COMMD10: variants seen among roughly 807,000 people sequenced by gnomAD.
The protein encoded by COMMD10 is COMM domain-containing protein 10.
In COMMD10, 33 loss-of-function variants were observed where a neutral mutation model predicts 28.9. The observed-to-expected ratio is 1.14, with a 90% CI of 0.87 to 1.53. The LOEUF (loss-of-function observed/expected upper bound fraction) is 1.53, where lower values mean the gene tolerates loss of function less well. Among genes scored for constraint, COMMD10 ranks in the 40% most tolerant of loss-of-function variants. The pLI is 0.00. For missense variants in COMMD10, 310 were observed against 233.4 expected, an observed-to-expected ratio of 1.33 and a Z score of -2.14; for synonymous variants, 110 against 81.7, an observed-to-expected ratio of 1.35 and a Z score of -1.87.
chr5:116,221,576 C>T (rs770360375), intron 5 of COMMD10, among the ~76,000 whole-genome samples: 47 of 152,072 alleles, frequency 3.1e-4, no homozygotes, highest in Admixed American at 2.1e-3. Flanking sequence ...TTCAAGATCT[C>T]TTAGAAATGC....
intron 5 of COMMD10, among the ~76,000 whole-genome samples, chr5:116,256,144 C>G (rs1039352572): frequency 6.6e-6 from 1 of 151,600 alleles, no homozygotes; most frequent in African/African-American, 2.4e-5. Flanking sequence ...TATTAAAATG[C>G]TGTACCTGGC....
At chr5:116,100,526 T>G (rs1750625980) in intron 4 of COMMD10, among the ~76,000 whole-genome samples, 2 of 151,804 alleles carry the variant, frequency 1.3e-5, no homozygotes, top group Admixed American at 1.3e-4. Context: ...TCCTTTTTTT[T>G]TTTTTTGCAT....
At chr5:116,136,961 T>C (rs962428205) in intron 5 of COMMD10, among the ~76,000 whole-genome samples, 12 of 152,136 alleles carry the variant, frequency 7.9e-5, no homozygotes, top group African/African-American at 2.9e-4. Flanking sequence ...CTGTGTCTTA[T>C]ATCTCCTAAA....
At chr5:116,238,374 A>C (rs1749733933) in intron 5 of COMMD10, among the ~76,000 whole-genome samples, 1 of 152,180 alleles carries the variant, frequency 6.6e-6, no homozygotes, top group Admixed American at 6.5e-5. Flanking sequence ...AAATTGGGCA[A>C]TTCTCAAATC....
intron 5 of COMMD10, among the ~76,000 whole-genome samples, chr5:116,182,555 T>C (rs572774673): frequency 6.6e-6 from 1 of 152,170 alleles, no homozygotes; most frequent in Non-Finnish European, 1.5e-5. Context: ...TTCTCAGATA[T>C]TAATAAAATT....
At chr5:116,141,466 T>C (rs1419653119) in intron 5 of COMMD10, among the ~76,000 whole-genome samples, 2 of 152,038 alleles carry the variant, frequency 1.3e-5, no homozygotes, top group East Asian at 3.9e-4. Flanking sequence ...GGAATTTTGA[T>C]GGAATTGCAT....
At chr5:116,105,776 T>C (rs1317034277) in intron 4 of COMMD10, among the ~76,000 whole-genome samples, 1 of 152,212 alleles carries the variant, frequency 6.6e-6, no homozygotes, top group Non-Finnish European at 1.5e-5. Flanking sequence ...CTGATGGTAG[T>C]TTGTATTTCT....
chr5:116,110,582 A>G (rs1751011085), intron 4 of COMMD10, among the ~76,000 whole-genome samples: 1 of 152,166 alleles, frequency 6.6e-6, no homozygotes, highest in East Asian at 1.9e-4. Flanking sequence ...TCTTTGTTCA[A>G]TCTTGGGAGG....
At chr5:116,267,286 C>T (rs560193342) in intron 5 of COMMD10, among the ~76,000 whole-genome samples, 1 of 151,988 alleles carries the variant, frequency 6.6e-6, no homozygotes, top group African/African-American at 2.4e-5. Flanking sequence ...AAATCACAAG[C>T]ATTCCTATAC....
chr5:116,155,959 G>T (rs541236453), intron 5 of COMMD10, among the ~76,000 whole-genome samples: 36 of 152,112 alleles, frequency 2.4e-4, no homozygotes, highest in African/African-American at 8.7e-4. Flanking sequence ...TTTTTGAGAA[G>T]TGTTAAGTTT....
chr5:116,095,897 CAT>C (rs1406615215), intron 4 of COMMD10, among the ~76,000 whole-genome samples: 3 of 151,940 alleles, frequency 2.0e-5, no homozygotes, highest in Non-Finnish European at 2.9e-5. Flanking sequence ...ATTGAATTAC[CAT>C]GTGTTTGTCT....
At chr5:116,235,311 T>C (rs1749632025) in intron 5 of COMMD10, among the ~76,000 whole-genome samples, 1 of 152,210 alleles carries the variant, frequency 6.6e-6, no homozygotes, top group African/African-American at 2.4e-5. Flanking sequence ...TGTAATTCCC[T>C]TTGGCTGCAA....
At chr5:116,267,548 C>T (rs2112692587) in intron 5 of COMMD10, among the ~76,000 whole-genome samples, 1 of 151,926 alleles carries the variant, frequency 6.6e-6, no homozygotes, top group South Asian at 2.1e-4. Context: ...GATTCAATGC[C>T]ATCCCCATCA....
chr5:116,289,415 AC>A (rs1485228455), intron 5 of COMMD10, among the ~76,000 whole-genome samples: 1 of 151,606 alleles, frequency 6.6e-6, no homozygotes, highest in African/African-American at 2.4e-5. Flanking sequence ...CTTCACTAAT[AC>A]CCCAGCTGGG....
chr5:116,087,592 G>A lies in COMMD10; in HGVS notation c.132+5G>A. On this transcript the variant is annotated splice_donor_5th_base_variant and intron_variant, in intron 2 of 6. Transcript: ENST00000274458. ...CTTCAAAAACTTCACCTGAAGGTTT[G>A]TATTTGTGTGTTTCCATGCCTTGTA... The A allele has an allele frequency of 6.4e-7, 1 of 1,570,122 alleles. No individual in the cohort carries two copies. The highest frequency in any genetic ancestry group is 8.8e-7 in the Non-Finnish European group (1 of 1,139,932).
chr5:116,235,122 T>C (rs926025068), intron 5 of COMMD10, among the ~76,000 whole-genome samples: 13 of 152,198 alleles, frequency 8.5e-5, no homozygotes, highest in Non-Finnish European at 1.5e-4. Flanking sequence ...ATTTTTTCCA[T>C]CTGTGAAATG....
chr5:116,107,631 C>G (rs183199910), intron 4 of COMMD10, among the ~76,000 whole-genome samples: 1 of 151,990 alleles, frequency 6.6e-6, no homozygotes, highest in African/African-American at 2.4e-5. Context: ...GAACATGCGC[C>G]TTTAGCTTGG....
At chr5:116,235,892 A>G (rs1487683525) in intron 5 of COMMD10, among the ~76,000 whole-genome samples, 2 of 152,146 alleles carry the variant, frequency 1.3e-5, no homozygotes, top group African/African-American at 2.4e-5. Flanking sequence ...CTTAAAATCA[A>G]TAGTTTTCTT....
chr5:116,087,432 A>T (rs968291763), intron 1 of COMMD10, 65 bp from the exon 2 acceptor site: 1 of 939,958 alleles, frequency 1.1e-6, no homozygotes, highest in African/African-American at 1.6e-5. Flanking sequence ...CTTATAGACA[A>T]CTATAGAAAG....
Sources: gnomAD v4.1 joint callset for allele counts (sites outside exome capture counted in the v4.1 genomes callset) on GRCh38, gnomAD v4.1.1 for gene constraint, MANE v1.5 for transcripts, NCBI Gene and HGNC (gene_info 2026-07-23, HGNC 2026-07-21) for gene names.